RBFOX3: variants seen among roughly 807,000 people sequenced by gnomAD.
RBFOX3 encodes RNA binding protein fox-1 homolog 3.
A neutral mutation model predicts 48.7 loss-of-function variants in RBFOX3; 17 were observed. That is an observed-to-expected ratio of 0.35 (90% confidence interval 0.24 to 0.52). The LOEUF is 0.52. Among genes scored for constraint, RBFOX3 ranks in the 20% least tolerant of loss-of-function variants. RBFOX3 has a pLI of 0.94. For synonymous variants in RBFOX3, 212 were observed against 209.5 expected, an observed-to-expected ratio of 1.01 and a Z score of -0.10; for missense variants, 382 against 497.5, an observed-to-expected ratio of 0.77 and a Z score of 2.21.
Position 79,094,424 on chromosome 17 carries a change from AGGGCTGGGCGGGCCT to A in RBFOX3, c.1077+12_1077+26del, listed in dbSNP as rs1182684351. On this transcript the variant is annotated intron_variant, in intron 14 of 14. Transcript: ENST00000693108. ...TGCCCAGCTGTTAGGACTGGCACCC[AGGGCTGGGCGGGCCT>A]GGGCTCCTTACCATGGTTCCAATGC... 42 of 1,485,226 alleles carry A rather than the reference AGGGCTGGGCGGGCCT, an allele frequency of 2.8e-5. No individual in the cohort carries two copies. The highest frequency in any genetic ancestry group is 3.5e-5 in the Non-Finnish European group (39 of 1,116,534). The allele number at this position is 1,485,226 out of a possible 1,614,324, so 92.0% of individuals were successfully genotyped here. A position where few individuals can be genotyped will look rare whatever the true frequency, so the allele number is the denominator to read the frequency against.
chr17:79,176,305 C>T (rs1031037270), intron 4 of RBFOX3, among the ~76,000 whole-genome samples: 2 of 152,164 alleles, frequency 1.3e-5, no homozygotes, highest in South Asian at 2.1e-4. Context: ...CTGTGGCTGT[C>T]GGGCCCATCT....
intron 1 of RBFOX3, among the ~76,000 whole-genome samples, chr17:79,521,397 C>A (rs1019889545): frequency 5.9e-5 from 9 of 152,150 alleles, no homozygotes; most frequent in Admixed American, 5.2e-4. Context: ...CTCACATACA[C>A]AGACACACAC....
intron 2 of RBFOX3, among the ~76,000 whole-genome samples, chr17:79,401,043 C>A (rs929048618): frequency 1.3e-5 from 2 of 152,236 alleles, no homozygotes; most frequent in African/African-American, 4.8e-5. Flanking sequence ...GAGATCCGGG[C>A]GTGTTCATTT....
chr17:79,390,978 C>T lies in RBFOX3; in HGVS notation c.-174-83154G>A, dbSNP rs2061321555. Among the ~76,000 whole-genome samples, 1 of 152,208 alleles carries T rather than the reference C, an allele frequency of 6.6e-6. No individual in the cohort carries two copies. The highest frequency in any genetic ancestry group is 1.5e-5 in the Non-Finnish European group (1 of 68,046). ...CTCCCTTCTCTCTTCCCGCTTTCTTCTCCACAGCCCCCTGATTCCCACAGA... is the reference window on the plus strand; with the variant it reads ...CTCCCTTCTCTCTTCCCGCTTTCTTTTCCACAGCCCCCTGATTCCCACAGA... On this transcript the variant is annotated intron_variant, in intron 2 of 14. Transcript: ENST00000693108. This position sits in a 1 kb window ranked among gnomAD's most constrained non-coding sequence, Gnocchi z 4.2.
chr17:79,506,772 A>T (rs1327775862), intron 1 of RBFOX3, among the ~76,000 whole-genome samples: 5 of 152,282 alleles, frequency 3.3e-5, no homozygotes, highest in Admixed American at 3.3e-4. Context: ...AGGAGAAACG[A>T]ATCAGGATGG....
At chr17:79,210,475 G>A (rs1053047817) in intron 4 of RBFOX3, among the ~76,000 whole-genome samples, 5 of 152,200 alleles carry the variant, frequency 3.3e-5, no homozygotes, top group African/African-American at 1.2e-4. Flanking sequence ...ATATCCCATC[G>A]AGTGCCCGCC....
At chr17:79,107,134 G>T (rs2077535556) in intron 5 of RBFOX3, among the ~76,000 whole-genome samples, 1 of 152,236 alleles carries the variant, frequency 6.6e-6, no homozygotes, top group Non-Finnish European at 1.5e-5. Context: ...CGGTCTCTTA[G>T]CCCCACTGAC....
At chr17:79,161,068 G>T (rs1438564952) in intron 4 of RBFOX3, among the ~76,000 whole-genome samples, 2 of 152,092 alleles carry the variant, frequency 1.3e-5, no homozygotes, top group Non-Finnish European at 2.9e-5. Flanking sequence ...TGTCTATCTG[G>T]TTTTTGCCCA....
intron 6 of RBFOX3, among the ~76,000 whole-genome samples, chr17:79,104,678 G>A (rs2077045531): frequency 6.6e-6 from 1 of 152,236 alleles, no homozygotes; most frequent in African/African-American, 2.4e-5. Context: ...GTCCATTAGG[G>A]ACAAAGTGCC....
intron 4 of RBFOX3, among the ~76,000 whole-genome samples, chr17:79,166,814 A>G (rs1187478525): frequency 6.6e-6 from 1 of 152,238 alleles, no homozygotes; most frequent in Non-Finnish European, 1.5e-5. Flanking sequence ...TTTTTGGGTG[A>G]TGAAAATTCA....
At chr17:79,168,797 C>A (rs1264233244) in intron 4 of RBFOX3, among the ~76,000 whole-genome samples, 1 of 152,248 alleles carries the variant, frequency 6.6e-6, no homozygotes, top group Admixed American at 6.5e-5. Context: ...GCTGGTTCAT[C>A]CTCCTAGCTC....
chr17:79,648,141 C>T, the RBFOX3 span, among the ~76,000 whole-genome samples: 1 of 152,094 alleles, frequency 6.6e-6, no homozygotes. Context: ...CAACAGTTCT[C>T]AGAGTTGGGA....
At chr17:79,096,242 TAGGCCCTGGAGCACAGGCACCCAG>T (rs2075229832) in intron 12 of RBFOX3, among the ~76,000 whole-genome samples, 1 of 151,926 alleles carries the variant, frequency 6.6e-6, no homozygotes, top group Non-Finnish European at 1.5e-5. Flanking sequence ...TCAAGGGGGG[TAGGCCCTGGAGCACAGGCACCCAG>T]GGGCCCTGCC....
At chr17:79,636,646 T>C in the RBFOX3 span, among the ~76,000 whole-genome samples, 1 of 151,838 alleles carries the variant, frequency 6.6e-6, no homozygotes, top group Admixed American at 6.6e-5. Flanking sequence ...CTCACTGTAA[T>C]CACAAGGAGT....
intron 1 of RBFOX3, among the ~76,000 whole-genome samples, chr17:79,569,717 TG>T (rs1160449913): frequency 6.6e-6 from 1 of 152,246 alleles, no homozygotes; most frequent in East Asian, 1.9e-4. Flanking sequence ...CAAGATATTC[TG>T]GTGGCCAAGG....
rs1962089 is a variant in RBFOX3, at chr17:79,477,428, C to A, written c.-175+5026G>T. ...AACATTAGCCAGACGTGGTGGCGGGCGCCTGTAGTCCCAGCTACTTGGGAG... is the reference window on the plus strand; with the variant it reads ...AACATTAGCCAGACGTGGTGGCGGGAGCCTGTAGTCCCAGCTACTTGGGAG... On this transcript the variant is annotated intron_variant, in intron 2 of 14. Transcript: ENST00000693108. This position sits in a 1 kb window ranked among gnomAD's most constrained non-coding sequence, Gnocchi z 4.8. Among the ~76,000 whole-genome samples the A allele has an allele frequency of 0.23, 34,686 of 151,382 alleles. 5,718 individuals carry two copies. Among genetic ancestry groups the A allele is most frequent in the African/African-American group, 0.46 (19,063 of 41,160 alleles).
rs541937138 is a variant in RBFOX3, at chr17:79,145,558, G to A, written c.-33-29810C>T. ...CCCACAGGCCAGCCCAGTCGGCTCT[G>A]AGAGGGGGCCCCGCCCCACCGCCCT... On this transcript the variant is annotated intron_variant, in intron 4 of 14. Transcript: ENST00000693108. 1.8e-4 allele frequency among the ~76,000 whole-genome samples: 27 copies of A among 152,332 alleles called. No homozygotes were observed. In the South Asian group the frequency reaches 5.4e-3, roughly 30 times the overall value.
chr17:79,219,272 G>A (rs2059429345), intron 4 of RBFOX3, among the ~76,000 whole-genome samples: 1 of 152,204 alleles, frequency 6.6e-6, no homozygotes, highest in South Asian at 2.1e-4. Flanking sequence ...GCTGGGCACA[G>A]GGGAAAAGTT....
chr17:79,172,680 G>A (rs987833764), intron 4 of RBFOX3, among the ~76,000 whole-genome samples: 5 of 152,190 alleles, frequency 3.3e-5, no homozygotes, highest in Admixed American at 6.5e-5. Context: ...CGGCCAGTAC[G>A]TTAACCAGGA....
Sources: allele counts gnomAD v4.1 joint callset (sites outside exome capture counted in the v4.1 genomes callset), GRCh38; gene constraint gnomAD v4.1.1; non-coding constraint Gnocchi (gnomAD v3.1); transcripts MANE v1.5; gene names NCBI Gene and HGNC (gene_info 2026-07-23, HGNC 2026-07-21).